MCC: variants seen among roughly 807,000 people sequenced by gnomAD.
MCC encodes colorectal mutant cancer protein.
Under a neutral mutation model 116.2 loss-of-function variants are expected in MCC, and 90 were observed. The ratio of observed to expected loss-of-function variants is 0.77; its 90% CI spans 0.65 to 0.92. MCC has a LOEUF of 0.92. MCC is among the 40% of genes least tolerant of loss of function. MCC has a pLI of 0.00. For missense variants in MCC, 1,516 were observed against 1,312.2 expected, an observed-to-expected ratio of 1.16 and a Z score of -2.40; for synonymous variants, 578 against 510.5, an observed-to-expected ratio of 1.13 and a Z score of -1.78.
At chr5:113,352,448 C>G (rs890446491) in intron 2 of MCC, among the ~76,000 whole-genome samples, 3 of 151,976 alleles carry the variant, frequency 2.0e-5, no homozygotes, top group Non-Finnish European at 4.4e-5. Flanking sequence ...CCCTCTCTTT[C>G]TCCTGTCTTC....
At chr5:113,308,788 G>C (rs1341507921) in intron 3 of MCC, among the ~76,000 whole-genome samples, 2 of 150,998 alleles carry the variant, frequency 1.3e-5, no homozygotes, top group Admixed American at 1.3e-4. Context: ...GGGAGACAGA[G>C]CAAGACCCTA....
Position 113,204,011 on chromosome 5 carries a change from G to A in MCC, c.628-52589C>T, listed in dbSNP as rs532344620. On this transcript the variant is annotated intron_variant, in intron 3 of 18. Coordinates refer to ENST00000408903, the MANE Select transcript of MCC (RefSeq NM_001085377.2). ...ACAGGCTCAATATCCCCTATTTTCC[G>A]TCCTTCCTTTTCCGGCAATTTTTAT... Among the ~76,000 whole-genome samples the A allele has an allele frequency of 5.3e-5, 8 of 152,234 alleles. No homozygotes were observed. In the South Asian group the frequency reaches 1.7e-3, roughly 32 times the overall value.
intron 1 of MCC, among the ~76,000 whole-genome samples, chr5:113,415,077 G>T (rs1770105261): frequency 6.6e-6 from 1 of 151,600 alleles, no homozygotes. Context: ...TTTTCTTTAA[G>T]AATGTTGAAT....
At chr5:113,040,470 T>A (rs1020786586) in intron 17 of MCC, among the ~76,000 whole-genome samples, 1 of 152,174 alleles carries the variant, frequency 6.6e-6, no homozygotes, top group Admixed American at 6.5e-5. Context: ...GGCACCATCC[T>A]TTTTTCAAGG....
intron 3 of MCC, among the ~76,000 whole-genome samples, chr5:113,320,750 C>T (rs1767404398): frequency 6.6e-6 from 1 of 152,144 alleles, no homozygotes; most frequent in Non-Finnish European, 1.5e-5. Context: ...CAGTGACTGG[C>T]ACAAAAACAC....
intron 6 of MCC, among the ~76,000 whole-genome samples, chr5:113,114,680 T>C (rs1422246640): frequency 6.6e-6 from 1 of 152,146 alleles, no homozygotes; most frequent in Non-Finnish European, 1.5e-5. Flanking sequence ...TGTGGTTTGA[T>C]GTCAGAGAGC....
intron 3 of MCC, among the ~76,000 whole-genome samples, chr5:113,329,220 G>T (rs891378149): frequency 1.3e-5 from 2 of 152,166 alleles, no homozygotes; most frequent in South Asian, 2.1e-4. Context: ...AACACCAAAA[G>T]AAATGCAGAG....
chr5:113,116,856 T>A (rs180886892), intron 6 of MCC, among the ~76,000 whole-genome samples: 5 of 152,234 alleles, frequency 3.3e-5, no homozygotes, highest in Admixed American at 3.3e-4. Flanking sequence ...CCCCAGAGAG[T>A]GCTCCAGTGA....
intron 1 of MCC, among the ~76,000 whole-genome samples, chr5:113,394,243 C>G (rs1350940972): frequency 6.6e-6 from 1 of 152,086 alleles, no homozygotes; most frequent in Non-Finnish European, 1.5e-5. Context: ...AGGACTGGAG[C>G]TTTTATTGTC....
intron 11 of MCC, among the ~76,000 whole-genome samples, chr5:113,074,165 C>A (rs188974214): frequency 1.3e-3 from 192 of 152,316 alleles, no homozygotes; most frequent in Non-Finnish European, 2.2e-3. Context: ...CAGCTGGGTG[C>A]CCCTTTGATA....
chr5:113,186,166 A>G (rs1201871885), intron 3 of MCC, among the ~76,000 whole-genome samples: 2 of 152,268 alleles, frequency 1.3e-5, no homozygotes, highest in African/African-American at 2.4e-5. Context: ...TGCAACTACT[A>G]CAGGTGATCT....
intron 2 of MCC, among the ~76,000 whole-genome samples, chr5:113,344,120 G>A (rs1303480235): frequency 2.6e-5 from 4 of 152,196 alleles, no homozygotes; most frequent in Non-Finnish European, 5.9e-5. Context: ...GTGCTTATGG[G>A]AGAGGGAAAG....
chr5:113,292,618 A>G (rs1251708751), intron 3 of MCC, among the ~76,000 whole-genome samples: 2 of 152,166 alleles, frequency 1.3e-5, no homozygotes, highest in Non-Finnish European at 2.9e-5. Flanking sequence ...TGAGTGTCAC[A>G]TTCTCTGCTC....
chr5:113,129,720 A>G (rs367978253), intron 5 of MCC, among the ~76,000 whole-genome samples: 1 of 152,258 alleles, frequency 6.6e-6, no homozygotes, highest in East Asian at 1.9e-4. Flanking sequence ...TGCAGCCAAC[A>G]AACATTTGAA....
Position 113,071,226 on chromosome 5 carries a change from T to G in MCC, c.1793A>C (p.Glu598Ala). 5 of 1,613,784 alleles carry G rather than the reference T, an allele frequency of 3.1e-6. No individual in the cohort carries two copies. The highest frequency in any genetic ancestry group is 4.2e-6 in the Non-Finnish European group (5 of 1,179,910). ...VETERLNSRIEHLKSQNDLLT... is the reference protein window; with the variant it reads ...VETERLNSRIAHLKSQNDLLT... ...GAGGTCATTTTGGGATTTGAGGTGCTCAATCCGGCTACAAAGGAACAAAAA... is the reference window on the plus strand; with the variant it reads ...GAGGTCATTTTGGGATTTGAGGTGCGCAATCCGGCTACAAAGGAACAAAAA... Residue 598 changes from glutamate (E) to alanine (A), a missense_variant, in exon 12 of 19, where the codon GAG becomes GCG. Physicochemically the swap from Glu to Ala is moderately radical, Grantham distance 107. Coordinates refer to ENST00000408903, the MANE Select transcript of MCC (RefSeq NM_001085377.2).
chr5:113,480,343 A>G (rs1772346735), intron 1 of MCC, among the ~76,000 whole-genome samples: 1 of 152,244 alleles, frequency 6.6e-6, no homozygotes, highest in African/African-American at 2.4e-5. Context: ...ACATGGAACA[A>G]TGAAGGTGTT....
At chr5:113,404,435 G>A (rs1382625552) in intron 1 of MCC, among the ~76,000 whole-genome samples, 1 of 152,184 alleles carries the variant, frequency 6.6e-6, no homozygotes, top group East Asian at 1.9e-4. Context: ...ATGTAACACT[G>A]TGGCCAAGTT....
intron 2 of MCC, among the ~76,000 whole-genome samples, chr5:113,367,809 T>A (rs966274425): frequency 6.6e-6 from 1 of 151,910 alleles, no homozygotes; most frequent in Non-Finnish European, 1.5e-5. Flanking sequence ...GTCATTAGAG[T>A]TATCTTGAGT....
chr5:113,189,062 G>A (rs1289138963), intron 3 of MCC, among the ~76,000 whole-genome samples: 1 of 152,160 alleles, frequency 6.6e-6, no homozygotes, highest in African/African-American at 2.4e-5. Context: ...GAGGAGTGAG[G>A]CCGTCTACCA....
Sources: allele counts gnomAD v4.1 joint callset (sites outside exome capture counted in the v4.1 genomes callset), GRCh38; gene constraint gnomAD v4.1.1; transcripts MANE v1.5; gene names NCBI Gene and HGNC (gene_info 2026-07-23, HGNC 2026-07-21).